ZNF638: variants seen among roughly 807,000 people sequenced by gnomAD.
ZNF638 encodes CTCL tumor antigen se33-1.
In ZNF638, 46 loss-of-function variants were observed where a neutral mutation model predicts 195.6. The ratio of observed to expected loss-of-function variants is 0.24; its 90% CI spans 0.19 to 0.30. The LOEUF (loss-of-function observed/expected upper bound fraction) is 0.30. Ranked by LOEUF, ZNF638 falls within the 10% of genes least tolerant of loss-of-function variation. The pLI, the probability that ZNF638 is intolerant of heterozygous loss-of-function variation, is 1.00. For synonymous variants in ZNF638, 845 were observed against 772.0 expected (o/e 1.09, Z -1.57); for missense variants, 2,440 against 2,325.3 (o/e 1.05, Z -1.01).
chr2:71,354,343 CTT>C (rs11372261), intron 2 of ZNF638, among the ~76,000 whole-genome samples: 3 of 143,646 alleles, frequency 2.1e-5, no homozygotes, highest in African/African-American at 7.7e-5. Flanking sequence ...ACTGTATTGG[CTT>C]TTTTTTTTTT....
rs77437472 is a variant in ZNF638, at chr2:71,368,451, A to T, written c.2065A>T (p.Thr689Ser). 3.1e-6 allele frequency: 5 copies of T among 1,613,664 alleles called. No homozygotes were observed. The highest frequency in any genetic ancestry group is 1.7e-5 in the Admixed American group (1 of 60,012). The change falls in exon 7 of 28, where the codon ACT becomes TCT. Residue 689 changes from threonine (T) to serine (S), a missense_variant. This residue lies in a region of ZNF638 where 1,883 missense variants were observed against 1,739.1 expected (regional missense o/e 1.08). Coordinates refer to ENST00000264447, the MANE Select transcript of ZNF638 (RefSeq NM_014497.5). ...LITELPEDGC[T>S]EEDVRKLFQP... is the part of the protein sequence containing the mutation. ...AACTGAATTACCAGAGGATGGTTGT[A>T]CTGAAGAAGATGTGAGAAAATTATT...
chr2:71,427,297 A>G lies in ZNF638; in HGVS notation c.5428A>G (p.Lys1810Glu). 1.2e-6 allele frequency: 2 copies of G among 1,613,642 alleles called. No individual in the cohort carries two copies. Among genetic ancestry groups the G allele is most frequent in the Non-Finnish European group, 1.7e-6 (2 of 1,179,928 alleles). The part of the protein sequence containing the change: ...DHPTDKKGNR[K>E]KRAVDTKKTK... ...TCCCACAGATAAAAAAGGGAATAGA[A>G]AGAAGAGAGCTGTGGACACAAAAAA... The change falls in exon 24 of 28, where the codon AAG becomes GAG. Residue 1810 changes from lysine to glutamate, a missense_variant. By Grantham distance (56) the Lys-to-Glu change is moderately conservative (BLOSUM62 1). Transcript: ENST00000264447.
At position 71,431,581 on chromosome 2, in the gene ZNF638, A is replaced by G. The variant is rs546057410; in HGVS notation, c.5752+153A>G. ...GAGACCATCCTGGCTAACACGGTGA[A>G]ACCCCGTCAGTACTAAAAGGTACAA... On this transcript the variant is annotated intron_variant, in intron 26 of 27. Coordinates refer to ENST00000264447, the MANE Select transcript of ZNF638 (RefSeq NM_014497.5). Among the ~76,000 whole-genome samples, 3 of 152,284 alleles carry G rather than the reference A, an allele frequency of 2.0e-5. No homozygotes were observed. The East Asian group carries it at 5.8e-4, about 29-fold the overall frequency.
chr2:71,407,997 A>G (rs1446694129), intron 19 of ZNF638, 125 bp from the exon 20 acceptor site: 4 of 834,948 alleles, frequency 4.8e-6, no homozygotes, highest in Non-Finnish European at 7.2e-6. Context: ...GTACAAATAC[A>G]TGTTTAAGTA....
At chr2:71,353,756 A>G (rs186748570) in intron 2 of ZNF638, among the ~76,000 whole-genome samples, 87 of 152,298 alleles carry the variant, frequency 5.7e-4, no homozygotes, top group African/African-American at 1.9e-3. Flanking sequence ...CTTGCGGGTA[A>G]AAATCTCTGG....
At chr2:71,391,337 C>T (rs1360649464) in intron 10 of ZNF638, among the ~76,000 whole-genome samples, 6 of 152,184 alleles carry the variant, frequency 3.9e-5, no homozygotes, top group African/African-American at 1.4e-4. Flanking sequence ...TTTACATTTA[C>T]CATACTAGCT....
intron 10 of ZNF638, among the ~76,000 whole-genome samples, chr2:71,383,762 C>CT (rs1181570876): frequency 0.012 from 958 of 76,666 alleles, 33 homozygotes; most frequent in African/African-American, 0.041. Flanking sequence ...TTTTCTTTTT[C>CT]TTTTTTTTTT....
In ZNF638 at chr2:71,365,477, C is replaced by T; in HGVS notation, c.1766C>T (p.Thr589Ile). Residue 589 changes from threonine (T) to isoleucine (I), a missense_variant, in exon 6 of 28, where the codon ACA (threonine) becomes ATA (isoleucine). Thr to Ile is a moderately conservative substitution (Grantham distance 89). Transcript: ENST00000264447. ...EDVVQRSGHG[T>I]EFNKQKHLEA... The stretch of plus-strand genomic sequence containing the variant: ...GTAGTACAACGATCTGGGCATGGGA[C>T]AGAATTTAATAAACAGAAGCATCTT... 6.2e-7 allele frequency: 1 copy of T among 1,613,794 alleles called. No homozygotes were observed. The highest frequency in any genetic ancestry group is 8.5e-7 in the Non-Finnish European group (1 of 1,179,902).
chr2:71,383,080 T>C (rs993906156), intron 10 of ZNF638, among the ~76,000 whole-genome samples: 30 of 152,216 alleles, frequency 2.0e-4, no homozygotes, highest in Admixed American at 6.5e-5. Context: ...CCCAGCACTT[T>C]GGGAGTTTGA....
At chr2:71,408,745 T>C in intron 20 of ZNF638, 2 of 454,780 alleles carry the variant, frequency 4.4e-6, no homozygotes, top group South Asian at 3.3e-5. Context: ...TCAATCTATT[T>C]TCTCCTTCTA....
At chr2:71,380,601 G>A (rs758648146) in intron 10 of ZNF638, 36 bp downstream of exon 10, 7 of 1,537,630 alleles carry the variant, frequency 4.6e-6, no homozygotes, top group Non-Finnish European at 5.3e-6. Context: ...TCAAATGAGT[G>A]TATCTTGTCA....
At chr2:71,385,163 A>G (rs7606282) in intron 10 of ZNF638, among the ~76,000 whole-genome samples, 39,967 of 152,110 alleles carry the variant, frequency 0.26, 6,908 homozygotes, top group African/African-American at 0.49. Context: ...ATGTAGAGAA[A>G]CTCATACATT....
At chr2:71,414,488 CTGATT>C (rs2152592274) in intron 20 of ZNF638, among the ~76,000 whole-genome samples, 1 of 43,170 alleles carries the variant, frequency 2.3e-5, no homozygotes, top group East Asian at 7.1e-4. Flanking sequence ...CAGTTCTGCT[CTGATT>C]TTAGTTATTT....
Position 71,434,752 on chromosome 2 carries a change from CCAAG to C in ZNF638, c.5886_5889del (p.Gln1963GlufsTer32). ...AATTGCTTTTAACAGAAATTCATGG[CCAAG>C]CAAAGAAAGGAAAAGGAGCAGAATG... On this transcript the variant is annotated frameshift_variant, in exon 28 of 28. Coordinates refer to ENST00000264447, the MANE Select transcript of ZNF638 (RefSeq NM_014497.5). LOFTEE classifies it high-confidence loss of function. 6.2e-7 allele frequency: 1 copy of C among 1,611,778 alleles called. No homozygotes were observed. The highest frequency in any genetic ancestry group is 8.5e-7 in the Non-Finnish European group (1 of 1,179,218).
At position 71,418,653 on chromosome 2, in the gene ZNF638, T is replaced by C. The variant is rs547931803; in HGVS notation, c.3299+14T>C. 37 of 1,547,210 alleles carry C rather than the reference T, an allele frequency of 2.4e-5. 1 individual carries two copies. In the South Asian group the frequency reaches 3.6e-4, roughly 15 times the overall value. On this transcript the variant is annotated intron_variant, in intron 21 of 27. Transcript: ENST00000264447. ...AGAAAAAGAAAGGTATGTTGCTTTA[T>C]GTTTACTAACACTTTTGTATAGTAT...
chr2:71,387,218 CAT>C (rs2079659243), intron 10 of ZNF638, among the ~76,000 whole-genome samples: 1 of 152,022 alleles, frequency 6.6e-6, no homozygotes, highest in South Asian at 2.1e-4. Context: ...AGAGTAGTTT[CAT>C]ATAGTTACAT....
chr2:71,419,232 A>T (rs1339380330), intron 21 of ZNF638, among the ~76,000 whole-genome samples: 1 of 152,152 alleles, frequency 6.6e-6, no homozygotes, highest in Non-Finnish European at 1.5e-5. Flanking sequence ...ATTCTGATGG[A>T]TATCCTCCTT....
chr2:71,362,299 T>C (rs1373519361), intron 3 of ZNF638, among the ~76,000 whole-genome samples: 3 of 152,200 alleles, frequency 2.0e-5, no homozygotes, highest in African/African-American at 7.2e-5. Context: ...GTCTCACTCT[T>C]AGGGCTATAA....
chr2:71,350,339 T>C (rs139194339), intron 2 of ZNF638, 68 bp downstream of exon 2: 24 of 1,453,464 alleles, frequency 1.7e-5, no homozygotes, highest in Middle Eastern at 1.8e-4. Context: ...AATTCTGATA[T>C]GTATGCTGCT....
Sources: allele counts gnomAD v4.1 joint callset (sites outside exome capture counted in the v4.1 genomes callset), GRCh38; gene constraint gnomAD v4.1.1; regional missense constraint gnomAD v4.1.1; transcripts MANE v1.5; gene names NCBI Gene and HGNC (gene_info 2026-07-23, HGNC 2026-07-21).